BRWD1: variants seen among roughly 807,000 people sequenced by gnomAD.
BRWD1 encodes bromodomain and WD repeat domain containing 1.
Under a neutral mutation model 251.2 loss-of-function variants are expected in BRWD1, and 82 were observed. That is an observed-to-expected ratio of 0.33 (90% CI 0.27 to 0.39). The LOEUF is 0.39. Among genes scored for constraint, BRWD1 ranks in the 10% least tolerant of loss-of-function variants. The pLI, the probability that BRWD1 is intolerant of heterozygous loss-of-function variation, is 1.00. For synonymous variants in BRWD1, 918 were observed against 902.8 expected, an observed-to-expected ratio of 1.02 and a Z score of -0.30; for missense variants, 2,233 against 2,711.6, an observed-to-expected ratio of 0.82 and a Z score of 3.92.
In BRWD1 at chr21:39,195,167, G is replaced by A. The variant is rs2031745358; in HGVS notation, c.*1092C>T. 9.3e-7 allele frequency: 1 copy of A among 1,070,122 alleles called. No individual in the cohort carries two copies. The highest frequency in any genetic ancestry group is 1.1e-6 in the Non-Finnish European group (1 of 883,566). 66.3% of individuals were successfully genotyped at this position (1,070,122 alleles called of 1,614,324 possible). A position where few individuals can be genotyped will look rare whatever the true frequency, so the allele number is the denominator to read the frequency against. ...AATAAAGATACATTTAGTTGCCCCA[G>A]CAAAGAATGCTTAGGATTGCACATG... On this transcript the variant is annotated 3_prime_UTR_variant, in exon 41 of 41. Coordinates refer to ENST00000342449, the MANE Select transcript of BRWD1 (RefSeq NM_033656.4).
intron 36 of BRWD1, among the ~76,000 whole-genome samples, chr21:39,209,335 G>A (rs915297091): frequency 1.3e-5 from 2 of 151,630 alleles, no homozygotes; most frequent in African/African-American, 2.4e-5. Context: ...AGCCAGCACC[G>A]GAGTCAGATT....
Position 39,313,429 on chromosome 21 carries a change from G to A in BRWD1, c.49+14C>T. 7.0e-7 allele frequency: 1 copy of A among 1,427,880 alleles called. No homozygotes were observed. Among genetic ancestry groups the A allele is most frequent in the Non-Finnish European group, 9.1e-7 (1 of 1,093,680 alleles). 88.5% of individuals were successfully genotyped at this position (1,427,880 alleles called of 1,614,324 possible). On this transcript the variant is annotated intron_variant, in intron 1 of 40. Transcript: ENST00000342449. The stretch of plus-strand genomic sequence containing the variant: ...GGAGCGCCAGGGCGGGGGTGGCACG[G>A]CCTCGCGTCTTACCCGACTCGATGA...
rs1265966509 is a variant in BRWD1, at chr21:39,231,856, C to T, written c.3000+321G>A. 2.6e-5 allele frequency among the ~76,000 whole-genome samples: 4 copies of T among 152,134 alleles called. No individual in the cohort carries two copies. The East Asian group carries it at 7.7e-4, about 29-fold the overall frequency. On this transcript the variant is annotated intron_variant, in intron 25 of 40. Transcript: ENST00000342449. The stretch of plus-strand genomic sequence containing the variant: ...CAGTTTTTATTTCTTCTTTTGAAAA[C>T]TTGCATTTCTTCCTCTGAAAATCTG...
At chr21:39,284,117 G>T (rs1288059090) in intron 8 of BRWD1, among the ~76,000 whole-genome samples, 1 of 152,112 alleles carries the variant, frequency 6.6e-6, no homozygotes, top group African/African-American at 2.4e-5. Flanking sequence ...AATATATGCT[G>T]ATCCTCTCTT....
chr21:39,289,252 T>C (rs1251957023), intron 8 of BRWD1, among the ~76,000 whole-genome samples: 1 of 152,256 alleles, frequency 6.6e-6, no homozygotes, highest in Admixed American at 6.5e-5. Flanking sequence ...TTGGCTGTTA[T>C]TCTAGAGATT....
intron 20 of BRWD1, among the ~76,000 whole-genome samples, chr21:39,248,076 T>C (rs957011320): frequency 1.3e-5 from 2 of 152,196 alleles, no homozygotes; most frequent in African/African-American, 4.8e-5. Context: ...GTAAGTTAAC[T>C]GGTTTACCAC....
At chr21:39,197,450 TG>T in intron 40 of BRWD1, 35 bp from the exon 41 acceptor site, 2 of 1,477,534 alleles carry the variant, frequency 1.4e-6, no homozygotes, top group Non-Finnish European at 1.8e-6. Flanking sequence ...ATTAATCTTT[TG>T]TAAGTCTAAA....
chr21:39,214,767 T>C (rs1035488960), intron 32 of BRWD1, among the ~76,000 whole-genome samples: 4 of 152,132 alleles, frequency 2.6e-5, no homozygotes, highest in Non-Finnish European at 5.9e-5. Flanking sequence ...AACTGAATTA[T>C]TCAGTTTCTC....
rs774491094 is a variant in BRWD1, at chr21:39,196,854, T to C, written c.6215A>G (p.Glu2072Gly). The change falls in exon 41 of 41, where the codon GAG (glutamate) becomes GGG (glycine). Residue 2072 changes from glutamate to glycine, a missense_variant. Physicochemically the swap from Glu to Gly is moderately conservative, Grantham distance 98. Transcript: ENST00000342449. ...AGTAGCTTTTTGTGCCAAGGTTGAC[T>C]CTGAAGAAAATGTCCTATCAGTCTC... Reference protein sequence around the residue: ...GSETDRTFSSESTLAQKATAE... With the variant: ...GSETDRTFSSGSTLAQKATAE... 3 of 1,613,804 alleles carry C rather than the reference T, an allele frequency of 1.9e-6. No individual in the cohort carries two copies.
rs761866642 is a variant in BRWD1, at chr21:39,202,496, A to G, written c.4414T>C (p.Leu1472=). 6.2e-7 allele frequency: 1 copy of G among 1,613,704 alleles called. No homozygotes were observed. Among genetic ancestry groups the G allele is most frequent in the Non-Finnish European group, 8.5e-7 (1 of 1,179,642 alleles). ...GTAGACTGGGTAGGAGAACCTACCAACTCAGGAATTATTTTTGTCTGAGAT... is the reference window on the plus strand; with the variant it reads ...GTAGACTGGGTAGGAGAACCTACCAGCTCAGGAATTATTTTTGTCTGAGAT... The part of the protein sequence containing the change: ...LKSQTKIIPE[L]VGSPTQSTSS... Residue 1472 remains leucine (L), a synonymous_variant, in exon 38 of 41, where the codon TTG becomes CTG. Transcript: ENST00000342449.
chr21:39,253,406 C>G (rs1568918873), intron 19 of BRWD1, among the ~76,000 whole-genome samples: 1 of 150,460 alleles, frequency 6.6e-6, no homozygotes, highest in Non-Finnish European at 1.5e-5. Context: ...TAGATTATTT[C>G]TAGTCTTCCT....
intron 18 of BRWD1, 106 bp from the exon 19 acceptor site, chr21:39,255,934 A>C (rs2034549387): frequency 4.0e-6 from 4 of 1,007,202 alleles, no homozygotes; most frequent in African/African-American, 1.6e-5. Context: ...AAAATAAAGA[A>C]CTAAGAGAAG....
chr21:39,301,722 G>A (rs2036118141), intron 4 of BRWD1, among the ~76,000 whole-genome samples: 1 of 152,020 alleles, frequency 6.6e-6, no homozygotes, highest in Admixed American at 6.6e-5. Flanking sequence ...TTGTTATACA[G>A]CAATAGATCA....
intron 8 of BRWD1, among the ~76,000 whole-genome samples, chr21:39,293,394 G>T (rs2035870285): frequency 1.3e-5 from 2 of 151,776 alleles, no homozygotes; most frequent in Admixed American, 6.6e-5. Flanking sequence ...TCGGGAGGCT[G>T]AGGCACAAGA....
intron 20 of BRWD1, among the ~76,000 whole-genome samples, chr21:39,249,068 A>G (rs529306847): frequency 1.3e-5 from 2 of 152,312 alleles, no homozygotes; most frequent in Admixed American, 6.5e-5. Flanking sequence ...TTGCAGCAAC[A>G]TGGGTGAAGC....
intron 4 of BRWD1, among the ~76,000 whole-genome samples, chr21:39,309,804 G>A (rs8129147): frequency 0.33 from 44,966 of 137,202 alleles, 7,285 homozygotes; most frequent in Middle Eastern, 0.46. Context: ...CAGCCTGGGC[G>A]ACAGAGCGAG....
intron 36 of BRWD1, among the ~76,000 whole-genome samples, chr21:39,208,878 T>C (rs562186949): frequency 6.6e-6 from 1 of 151,980 alleles, no homozygotes. Context: ...TTACCCAATG[T>C]GTAACATGTT....
At position 39,192,699 on chromosome 21, in the gene BRWD1, C is replaced by T; in HGVS notation, c.*3560G>A. The T allele has an allele frequency of 1.0e-6, 1 of 984,982 alleles. No individual in the cohort carries two copies. Among genetic ancestry groups the T allele is most frequent in the Non-Finnish European group, 1.2e-6 (1 of 829,730 alleles). The allele number at this position is 984,982 out of a possible 1,614,324, so 61.0% of individuals were successfully genotyped here. A position where few individuals can be genotyped will look rare whatever the true frequency, so the allele number is the denominator to read the frequency against. The stretch of plus-strand genomic sequence containing the variant: ...CTTTAAAAGGGCAAAGCAAAAAGAC[C>T]ATTTTCTAGCCATTTAAAAGTTACT... On this transcript the variant is annotated 3_prime_UTR_variant, in exon 41 of 41. Coordinates refer to ENST00000342449, the MANE Select transcript of BRWD1 (RefSeq NM_033656.4).
chr21:39,236,863 G>A (rs904805100), intron 22 of BRWD1, 79 bp from the exon 23 acceptor site: 8 of 1,289,350 alleles, frequency 6.2e-6, no homozygotes, highest in South Asian at 4.3e-5. Flanking sequence ...AAAATTGAGG[G>A]AACAGAGAGA....
Sources: gnomAD v4.1 joint callset for allele counts (sites outside exome capture counted in the v4.1 genomes callset) on GRCh38, gnomAD v4.1.1 for gene constraint, MANE v1.5 for transcripts, NCBI Gene and HGNC (gene_info 2026-07-23, HGNC 2026-07-21) for gene names.